The following EP300 variants were observed in gnomAD, a reference collection of about 807,000 sequenced individuals.
EP300 encodes the protein histone acetyltransferase p300.
A neutral mutation model predicts 264.0 loss-of-function variants in EP300; 31 were observed. The ratio of observed to expected loss-of-function variants is 0.12; its 90% CI spans 0.09 to 0.16. EP300 has a LOEUF of 0.16. EP300 is among the 10% of genes least tolerant of loss of function. EP300 has a pLI of 1.00. For synonymous variants in EP300, 1,340 were observed against 1,045.4 expected, an observed-to-expected ratio of 1.28 and a Z score of -5.44; for missense variants, 2,766 against 3,052.9, an observed-to-expected ratio of 0.91 and a Z score of 2.21.
rs559888426 is a variant in EP300, at chr22:41,120,368, G to T, written c.729+2547G>T. Among the ~76,000 whole-genome samples, 51 of 152,214 alleles carry T rather than the reference G, an allele frequency of 3.4e-4. 1 individual carries two copies. In the South Asian group the frequency reaches 0.01, roughly 31 times the overall value. The stretch of plus-strand genomic sequence containing the variant: ...TCGTGGCACACCCACGCCAGCAGTT[G>T]CCCTTCCACTGTACCAAGTCCTAAA... On this transcript the variant is annotated intron_variant, in intron 2 of 30. Coordinates refer to ENST00000263253, the MANE Select transcript of EP300 (RefSeq NM_001429.4).
Position 41,177,682 on chromosome 22 carries a change from C to G in EP300, c.5971C>G (p.Gln1991Glu). ...AGGGATGGGACCGACAGGGATGCAG[C>G]AACAGCCACCCTGGAGCCAAGGAGG... Reference protein sequence around the residue: ...EPGMGPTGMQQQPPWSQGGLP... With the variant: ...EPGMGPTGMQEQPPWSQGGLP... Residue 1991 changes from glutamine (Q) to glutamate (E), a missense_variant, in exon 31 of 31, where the codon CAA becomes GAA. Physicochemically the swap from Gln to Glu is conservative, Grantham distance 29. Transcript: ENST00000263253. 6.2e-7 allele frequency: 1 copy of G among 1,613,862 alleles called. No individual in the cohort carries two copies.
At chr22:41,133,958 TTTA>T (rs554033330) in intron 6 of EP300, among the ~76,000 whole-genome samples, 2 of 152,206 alleles carry the variant, frequency 1.3e-5, no homozygotes, top group Non-Finnish European at 2.9e-5. Context: ...CTTTTAATAA[TTTA>T]AGATCTAAAA....
In EP300 at chr22:41,119,740, T is replaced by A. The variant is rs5758237; in HGVS notation, c.729+1919T>A. Reference sequence around the variant, plus strand: ...TAGAAGTGAGCAAAACAAAAATCCCTGTCCTTGTGGAGCTTGTATTTTGAT... The same window carrying A: ...TAGAAGTGAGCAAAACAAAAATCCCAGTCCTTGTGGAGCTTGTATTTTGAT... On this transcript the variant is annotated intron_variant, in intron 2 of 30. Coordinates refer to ENST00000263253, the MANE Select transcript of EP300 (RefSeq NM_001429.4). Among the ~76,000 whole-genome samples the A allele has an allele frequency of 2.6e-5, 4 of 151,874 alleles. No individual in the cohort carries two copies. The East Asian group carries it at 7.7e-4, about 29-fold the overall frequency.
At chr22:41,164,159 G>C in intron 22 of EP300, 29 bp downstream of exon 22, 2 of 1,604,374 alleles carry the variant, frequency 1.2e-6, no homozygotes, top group Non-Finnish European at 1.7e-6. Flanking sequence ...ACTTTCTCTG[G>C]AATTTTTCTT....
intron 1 of EP300, among the ~76,000 whole-genome samples, chr22:41,109,000 G>A (rs903437391): frequency 2.6e-5 from 4 of 152,256 alleles, no homozygotes; most frequent in African/African-American, 4.8e-5. Context: ...GCCCAGCGCC[G>A]TGGCACACAT....
intron 1 of EP300, among the ~76,000 whole-genome samples, chr22:41,095,579 A>G (rs960707826): frequency 6.6e-6 from 1 of 151,866 alleles, no homozygotes; most frequent in Non-Finnish European, 1.5e-5. Context: ...GCAGTTTGTA[A>G]TATGTTTGCA....
intron 19 of EP300, chr22:41,158,860 C>T (rs965137281): frequency 5.1e-5 from 13 of 253,760 alleles, no homozygotes; most frequent in Non-Finnish European, 7.9e-5. Flanking sequence ...AACTGAAACT[C>T]GCTAGACAGC....
chr22:41,117,204 G>T lies in EP300; in HGVS notation c.112G>T (p.Asp38Tyr). Reference sequence around the variant, plus strand: ...GCTTTTAGATTTTGGCTCTCTATTTGACTTGGAGCACGACTTACCAGATGA... The same window carrying T: ...GCTTTTAGATTTTGGCTCTCTATTTTACTTGGAGCACGACTTACCAGATGA... ...SDGTDFGSLFDLEHDLPDELI... is the reference protein window; with the variant it reads ...SDGTDFGSLFYLEHDLPDELI... The change falls in exon 2 of 31, where the codon GAC (aspartate) becomes TAC (tyrosine). Residue 38 changes from aspartate to tyrosine, a missense_variant. Physicochemically the swap from Asp to Tyr is radical, Grantham distance 160. Coordinates refer to ENST00000263253, the MANE Select transcript of EP300 (RefSeq NM_001429.4). 2 of 1,613,976 alleles carry T rather than the reference G, an allele frequency of 1.2e-6. No individual in the cohort carries two copies. The highest frequency in any genetic ancestry group is 2.2e-5 in the South Asian group (2 of 91,006).
chr22:41,146,079 C>T (rs962346724), intron 10 of EP300, among the ~76,000 whole-genome samples: 1 of 151,942 alleles, frequency 6.6e-6, no homozygotes, highest in African/African-American at 2.4e-5. Flanking sequence ...TGATTCATAG[C>T]TATTATCCAT....
intron 1 of EP300, among the ~76,000 whole-genome samples, chr22:41,114,463 C>G (rs563905866): frequency 2.3e-4 from 35 of 152,276 alleles, no homozygotes; most frequent in African/African-American, 8.2e-4. Context: ...AGGTTGTGAG[C>G]CAAAGTGCTC....
At chr22:41,166,778 AATAATTCT>A in intron 23 of EP300, 112 bp downstream of exon 23, 1 of 675,398 alleles carries the variant, frequency 1.5e-6, no homozygotes, top group East Asian at 2.8e-5. Context: ...GTAAAAATAA[AATAATTCT>A]ATAATCTCCT....
At position 41,178,367 on chromosome 22, in the gene EP300, A is replaced by G. The variant is rs2059215932; in HGVS notation, c.6656A>G (p.Tyr2219Cys). Residue 2219 changes from tyrosine (Y) to cysteine (C), a missense_variant, in exon 31 of 31, where the codon TAC becomes TGC. Coordinates refer to ENST00000263253, the MANE Select transcript of EP300 (RefSeq NM_001429.4). Reference protein sequence around the residue: ...NQFQQPQGVGYPPQQQQRMQH... With the variant: ...NQFQQPQGVGCPPQQQQRMQH... ...TTCCAGCAACCCCAAGGAGTTGGCTACCCACCACAGCAGCAGCAGCGGATG... is the reference window on the plus strand; with the variant it reads ...TTCCAGCAACCCCAAGGAGTTGGCTGCCCACCACAGCAGCAGCAGCGGATG... The G allele has an allele frequency of 6.2e-7, 1 of 1,614,158 alleles. No individual in the cohort carries two copies. The highest frequency in any genetic ancestry group is 2.2e-5 in the East Asian group (1 of 44,880).
At position 41,179,903 on chromosome 22, in the gene EP300, C is replaced by G. The variant is rs2059233342; in HGVS notation, c.*947C>G. On this transcript the variant is annotated 3_prime_UTR_variant, in exon 31 of 31. Coordinates refer to ENST00000263253, the MANE Select transcript of EP300 (RefSeq NM_001429.4). ...ACTCACACACACACACACACACACACACACACACACACACACACACTTTCT... is the reference window on the plus strand; with the variant it reads ...ACTCACACACACACACACACACACAGACACACACACACACACACACTTTCT... 1 of 208,138 alleles carries G rather than the reference C, an allele frequency of 4.8e-6. No individual in the cohort carries two copies. The highest frequency in any genetic ancestry group is 9.7e-6 in the Non-Finnish European group (1 of 102,684). 12.9% of individuals were successfully genotyped at this position (208,138 alleles called of 1,614,324 possible).
intron 26 of EP300, 122 bp from the exon 27 acceptor site, chr22:41,170,284 A>G (rs1791647021): frequency 1.1e-6 from 1 of 887,644 alleles, no homozygotes; most frequent in Admixed American, 2.2e-5. Flanking sequence ...GGTTATATAT[A>G]CACTGTGTTA....
At chr22:41,106,017 G>A (rs1360290141) in intron 1 of EP300, among the ~76,000 whole-genome samples, 1 of 152,056 alleles carries the variant, frequency 6.6e-6, no homozygotes, top group Non-Finnish European at 1.5e-5. Context: ...TTCAAATTAC[G>A]TAGTTTGAAA....
chr22:41,121,840 TGTCTTA>T (rs933421653), intron 2 of EP300, among the ~76,000 whole-genome samples: 3 of 152,230 alleles, frequency 2.0e-5, no homozygotes, highest in Non-Finnish European at 4.4e-5. Context: ...CATAATTTAT[TGTCTTA>T]GTCTTTTATT....
At chr22:41,107,935 C>T (rs989751819) in intron 1 of EP300, 4 of 151,952 alleles carry the variant, frequency 2.6e-5, no homozygotes, top group Non-Finnish European at 5.9e-5. Context: ...AACTCCCGAC[C>T]TCAGGTGATA....
Position 41,129,955 on chromosome 22 carries a change from C to G in EP300, c.1234C>G (p.Pro412Ala), listed in dbSNP as rs2145713639. 2 of 1,614,000 alleles carry G rather than the reference C, an allele frequency of 1.2e-6. No individual in the cohort carries two copies. Among genetic ancestry groups the G allele is most frequent in the East Asian group, 2.2e-5 (1 of 44,870 alleles). The change falls in exon 5 of 31, where the codon CCT becomes GCT. Residue 412 changes from proline (P) to alanine (A), a missense_variant. Coordinates refer to ENST00000263253, the MANE Select transcript of EP300 (RefSeq NM_001429.4). Reference sequence around the variant, plus strand: ...GAAGAATTGTACAAGACATGATTGTCCTGTGTGTCTCCCCCTCAAAAATGC... The same window carrying G: ...GAAGAATTGTACAAGACATGATTGTGCTGTGTGTCTCCCCCTCAAAAATGC... ...HWKNCTRHDC[P>A]VCLPLKNAGD...
intron 23 of EP300, among the ~76,000 whole-genome samples, chr22:41,167,631 T>TAA (rs2059145882): frequency 1.9e-5 from 2 of 106,744 alleles, no homozygotes; most frequent in African/African-American, 8.1e-5. Context: ...TATATATATA[T>TAA]ATATAATGTT....
Sources: gnomAD v4.1 joint callset for allele counts (sites outside exome capture counted in the v4.1 genomes callset) on GRCh38, gnomAD v4.1.1 for gene constraint, MANE v1.5 for transcripts, NCBI Gene and HGNC (gene_info 2026-07-23, HGNC 2026-07-21) for gene names.